Variants in ENTREP2 observed in about 807,000 individuals in gnomAD.
ENTREP2 encodes the protein endosomal transmembrane epsin interactor 2.
At chr15:29,341,894 T>C in the ENTREP2 span, among the ~76,000 whole-genome samples, 2 of 152,176 alleles carry the variant, frequency 1.3e-5, no homozygotes, top group Non-Finnish European at 2.9e-5. Context: ...GCATTGCAGG[T>C]GGAGGAAAAT....
chr15:29,636,881 C>T, the ENTREP2 span, among the ~76,000 whole-genome samples: 3 of 152,184 alleles, frequency 2.0e-5, no homozygotes, highest in African/African-American at 7.2e-5. Context: ...TTTAGAGTGA[C>T]TTATGTTCCA....
chr15:29,661,259 G>A, the ENTREP2 span, among the ~76,000 whole-genome samples: 2 of 152,114 alleles, frequency 1.3e-5, no homozygotes, highest in Admixed American at 1.3e-4. Context: ...GGAGTGCAAT[G>A]GCGAGATCTC....
the ENTREP2 span, among the ~76,000 whole-genome samples, chr15:29,488,526 C>T: frequency 6.6e-6 from 1 of 151,758 alleles, no homozygotes; most frequent in Admixed American, 6.6e-5. Flanking sequence ...CCAAAACTTA[C>T]CATACCTGAT....
the ENTREP2 span, among the ~76,000 whole-genome samples, chr15:29,503,508 G>A: frequency 1.3e-5 from 2 of 150,448 alleles, no homozygotes; most frequent in Non-Finnish European, 2.9e-5. Flanking sequence ...CCGGAATTAC[G>A]TCATGATGAT....
chr15:29,377,862 T>TAATAAA, the ENTREP2 span, among the ~76,000 whole-genome samples: 63 of 100,964 alleles, frequency 6.2e-4, no homozygotes, highest in African/African-American at 1.6e-3. Context: ...ATAATAATAA[T>TAATAAA]AAAAAAATGA....
the ENTREP2 span, among the ~76,000 whole-genome samples, chr15:29,427,080 T>G: frequency 0.1 from 15,783 of 152,164 alleles, 1,007 homozygotes; most frequent in East Asian, 0.31. Flanking sequence ...CCTAGGTGAT[T>G]TATTTTGTTA....
At chr15:29,607,683 C>T in the ENTREP2 span, among the ~76,000 whole-genome samples, 1 of 152,082 alleles carries the variant, frequency 6.6e-6, no homozygotes, top group Non-Finnish European at 1.5e-5. Context: ...AATTACTTTG[C>T]ATAGGATTGA....
At chr15:29,491,917 A>T in the ENTREP2 span, among the ~76,000 whole-genome samples, 2 of 152,178 alleles carry the variant, frequency 1.3e-5, no homozygotes, top group African/African-American at 2.4e-5. Context: ...AGGGGAAAAA[A>T]CTATTTCCAT....
chr15:29,142,085 G>A, the ENTREP2 span, among the ~76,000 whole-genome samples: 5 of 152,226 alleles, frequency 3.3e-5, no homozygotes, highest in African/African-American at 9.6e-5. Context: ...TCAAGTCCAG[G>A]CAAGGCAGGT....
At chr15:29,657,037 G>T in the ENTREP2 span, among the ~76,000 whole-genome samples, 2 of 152,144 alleles carry the variant, frequency 1.3e-5, no homozygotes, top group South Asian at 4.1e-4. Context: ...CCGGGCCTTC[G>T]TGGTGAGTGT....
chr15:29,144,786 T>G, the ENTREP2 span, among the ~76,000 whole-genome samples: 15 of 152,036 alleles, frequency 9.9e-5, no homozygotes. Flanking sequence ...ACACCTGTTA[T>G]CCCAGCACTC....
the ENTREP2 span, among the ~76,000 whole-genome samples, chr15:29,533,149 A>G: frequency 2.6e-5 from 4 of 151,968 alleles, no homozygotes; most frequent in African/African-American, 9.7e-5. Context: ...AGGCCTGGCA[A>G]CTCCCCTAAA....
chr15:29,139,502 A>G, the ENTREP2 span, among the ~76,000 whole-genome samples: 1 of 152,376 alleles, frequency 6.6e-6, no homozygotes, highest in African/African-American at 2.4e-5. Context: ...GAAATTAGAA[A>G]AAATATCAAT....
At chr15:29,560,038 G>A in the ENTREP2 span, among the ~76,000 whole-genome samples, 5 of 152,202 alleles carry the variant, frequency 3.3e-5, no homozygotes, top group Non-Finnish European at 5.9e-5. Context: ...CGGATGCTGT[G>A]TGAAGGGGAA....
At chr15:29,364,344 T>C in the ENTREP2 span, among the ~76,000 whole-genome samples, 2 of 152,224 alleles carry the variant, frequency 1.3e-5, no homozygotes, top group African/African-American at 4.8e-5. Flanking sequence ...ACCTGCCCTG[T>C]GCCTCAGCTT....
chr15:29,656,561 G>T, the ENTREP2 span, among the ~76,000 whole-genome samples: 1 of 152,162 alleles, frequency 6.6e-6, no homozygotes, highest in South Asian at 2.1e-4. Context: ...TCTGATAGCA[G>T]ACAGAAACTT....
chr15:29,275,753 A>T, the ENTREP2 span, among the ~76,000 whole-genome samples: 6 of 152,314 alleles, frequency 3.9e-5, no homozygotes, highest in Admixed American at 2.0e-4. Flanking sequence ...CATTCATGGT[A>T]TTTCTTGTGA....
At chr15:29,143,097 C>T in the ENTREP2 span, among the ~76,000 whole-genome samples, 3 of 152,154 alleles carry the variant, frequency 2.0e-5, no homozygotes, top group Non-Finnish European at 4.4e-5. Context: ...AATTGCTGAT[C>T]CACAGAAATA....
At chr15:29,425,582 C>T in the ENTREP2 span, among the ~76,000 whole-genome samples, 4 of 152,176 alleles carry the variant, frequency 2.6e-5, no homozygotes, top group Non-Finnish European at 5.9e-5. Context: ...AATTAAGTAA[C>T]ACCTTTAGCG....
Sources: gnomAD v4.1 joint callset for allele counts (sites outside exome capture counted in the v4.1 genomes callset) on GRCh38, gnomAD v4.1.1 for gene constraint, MANE v1.5 for transcripts, NCBI Gene and HGNC (gene_info 2026-07-23, HGNC 2026-07-21) for gene names.